STARD10: variants seen among roughly 807,000 people sequenced by gnomAD.
STARD10 encodes START domain-containing protein 10.
Under a neutral mutation model 36.0 loss-of-function variants are expected in STARD10, and 24 were observed. That is an observed-to-expected ratio of 0.67 (90% CI 0.48 to 0.94). The LOEUF (loss-of-function observed/expected upper bound fraction) is 0.94, where lower values mean the gene tolerates loss of function less well. STARD10 is among the 40% of genes least tolerant of loss of function. The probability of loss-of-function intolerance (pLI) is 0.00; values close to 1 mark genes in which losing one functional copy is unlikely to be tolerated. For synonymous variants in STARD10, 156 were observed against 161.9 expected (o/e 0.96, Z 0.28); for missense variants, 335 against 396.6 (o/e 0.84, Z 1.32).
chr11:72,760,698 G>GC (rs1338853283), intron 2 of STARD10, among the ~76,000 whole-genome samples: 1 of 152,202 alleles, frequency 6.6e-6, no homozygotes, highest in Non-Finnish European at 1.5e-5. Flanking sequence ...ATGTCACTCA[G>GC]CTGGTAAGTA....
intron 2 of STARD10, among the ~76,000 whole-genome samples, chr11:72,763,476 G>A (rs925981554): frequency 6.6e-6 from 1 of 152,148 alleles, no homozygotes; most frequent in Non-Finnish European, 1.5e-5. Context: ...TTGCCTGGTA[G>A]GACACAGTGA....
chr11:72,779,283 C>A (rs139992054), intron 2 of STARD10, among the ~76,000 whole-genome samples: 2 of 152,204 alleles, frequency 1.3e-5, no homozygotes, highest in Non-Finnish European at 2.9e-5. Context: ...TTTCCTCCCC[C>A]CTCTCTTCCA....
At chr11:72,786,626 C>G (rs1483651017) in intron 1 of STARD10, among the ~76,000 whole-genome samples, 1 of 152,192 alleles carries the variant, frequency 6.6e-6, no homozygotes, top group East Asian at 1.9e-4. Context: ...AGGTCAGGGT[C>G]ACCCCCACCT....
At chr11:72,764,483 T>C (rs890356709) in intron 2 of STARD10, among the ~76,000 whole-genome samples, 18 of 152,226 alleles carry the variant, frequency 1.2e-4, no homozygotes, top group African/African-American at 4.1e-4. Context: ...GTAAGAACCT[T>C]TGCTGTGGCA....
At chr11:72,771,645 G>A (rs1445848083) in intron 2 of STARD10, among the ~76,000 whole-genome samples, 1 of 152,048 alleles carries the variant, frequency 6.6e-6, no homozygotes, top group East Asian at 1.9e-4. Context: ...TCCCTGCTCT[G>A]CCTCTTTCCC....
intron 2 of STARD10, 105 bp from the exon 3 acceptor site, chr11:72,759,486 C>G: frequency 7.2e-7 from 1 of 1,388,136 alleles, no homozygotes; most frequent in Non-Finnish European, 1.0e-6. Flanking sequence ...AAGAGGACAG[C>G]AAAGAACAGG....
rs994359186 is a variant in STARD10 at position 72,754,845 on chromosome 11, G to A, written c.*52C>T. The A allele has an allele frequency of 1.3e-6, 2 of 1,562,938 alleles. No homozygotes were observed. The highest frequency in any genetic ancestry group is 1.7e-6 in the Non-Finnish European group (2 of 1,161,820). ...GAGGGGAGAAAGTGCAGGAGCGGCC[G>A]CCGCCCCAGGGCTCGCCCGGTCCTG... On this transcript the variant is annotated 3_prime_UTR_variant, in exon 7 of 7. Transcript: ENST00000334805.
intron 1 of STARD10, among the ~76,000 whole-genome samples, chr11:72,784,322 A>G (rs1260532515): frequency 2.0e-5 from 3 of 152,136 alleles, no homozygotes; most frequent in Non-Finnish European, 4.4e-5. Flanking sequence ...GCTGGGTTCA[A>G]ATCCTGGCCC....
chr11:72,788,134 C>T (rs1451609213), intron 1 of STARD10, among the ~76,000 whole-genome samples: 1 of 152,198 alleles, frequency 6.6e-6, no homozygotes, highest in Non-Finnish European at 1.5e-5. Flanking sequence ...GATAGCATGG[C>T]CTCAGGTATA....
At chr11:72,764,099 C>T (rs1266690026) in intron 2 of STARD10, among the ~76,000 whole-genome samples, 1 of 152,160 alleles carries the variant, frequency 6.6e-6, no homozygotes, top group Admixed American at 6.5e-5. Flanking sequence ...ACATGTTATC[C>T]TGGACCATGA....
intron 2 of STARD10, among the ~76,000 whole-genome samples, chr11:72,767,668 A>AT (rs1214291915): frequency 6.6e-6 from 1 of 152,142 alleles, no homozygotes; most frequent in African/African-American, 2.4e-5. Flanking sequence ...CAAGTTCCAG[A>AT]TTTTCCAGAA....
chr11:72,771,656 C>T (rs946417045), intron 2 of STARD10, among the ~76,000 whole-genome samples: 1 of 152,124 alleles, frequency 6.6e-6, no homozygotes, highest in African/African-American at 2.4e-5. Flanking sequence ...CCTCTTTCCC[C>T]CTTCCCTCCC....
In STARD10 at chr11:72,781,412, C is replaced by T; in HGVS notation, c.-113-118G>A. On this transcript the variant is annotated intron_variant, in intron 1 of 6. Transcript: ENST00000334805. This position sits in a 1 kb window ranked among gnomAD's most constrained non-coding sequence, Gnocchi z 4.7. ...GGGGCTGGCCCCAGGGAAGGGCGGA[C>T]GGGCGCTGGACAGCCTCGGGGTCCC... 1.8e-6 allele frequency: 1 copy of T among 555,264 alleles called. No individual in the cohort carries two copies. Among genetic ancestry groups the T allele is most frequent in the Non-Finnish European group, 3.2e-6 (1 of 307,876 alleles). 34.4% of individuals were successfully genotyped at this position (555,264 alleles called of 1,614,324 possible).
At chr11:72,792,008 G>A (rs954984808) in intron 1 of STARD10, among the ~76,000 whole-genome samples, 1 of 149,644 alleles carries the variant, frequency 6.7e-6, no homozygotes, top group African/African-American at 2.5e-5. Context: ...CCGAGTAGCT[G>A]GGACTACCGG....
chr11:72,775,535 C>T (rs984143107), intron 2 of STARD10, among the ~76,000 whole-genome samples: 3 of 150,588 alleles, frequency 2.0e-5, no homozygotes, highest in Admixed American at 6.6e-5. Context: ...TGGAATGCTC[C>T]CGACACGATC....
chr11:72,774,470 T>C (rs1227837367), intron 2 of STARD10, among the ~76,000 whole-genome samples: 1 of 152,150 alleles, frequency 6.6e-6, no homozygotes, highest in Non-Finnish European at 1.5e-5. Flanking sequence ...ATTGGCATGG[T>C]ACCCTCTGCT....
chr11:72,768,415 G>A (rs543362080), intron 2 of STARD10, among the ~76,000 whole-genome samples: 2 of 152,102 alleles, frequency 1.3e-5, no homozygotes, highest in East Asian at 3.9e-4. Context: ...CCCCAAAATG[G>A]AGACCACCAA....
chr11:72,768,338 C>T (rs1157118380), intron 2 of STARD10, among the ~76,000 whole-genome samples: 2 of 152,314 alleles, frequency 1.3e-5, no homozygotes, highest in Non-Finnish European at 2.9e-5. Flanking sequence ...TTCCCTGAGG[C>T]CCCCACAAGG....
Position 72,754,824 on chromosome 11 carries a change from G to A in STARD10, c.*73C>T. 3 of 1,544,184 alleles carry A rather than the reference G, an allele frequency of 1.9e-6. No homozygotes were observed. ...GCCACCAGGTGCCGGGTGGGGGAGG[G>A]GAGAAAGTGCAGGAGCGGCCGCCGC... On this transcript the variant is annotated 3_prime_UTR_variant, in exon 7 of 7. Transcript: ENST00000334805.
Sources: gnomAD v4.1 joint callset for allele counts (sites outside exome capture counted in the v4.1 genomes callset) on GRCh38, gnomAD v4.1.1 for gene constraint, Gnocchi (gnomAD v3.1) non-coding constraint, MANE v1.5 for transcripts, NCBI Gene and HGNC (gene_info 2026-07-23, HGNC 2026-07-21) for gene names.